The following TLE1 variants were observed in gnomAD, a reference collection of about 807,000 sequenced individuals.
TLE1 encodes the protein TLE family member 1, transcriptional corepressor, also known as transducin-like enhancer protein 1.
In TLE1, 21 loss-of-function variants were observed where a neutral mutation model predicts 89.8. That is an observed-to-expected ratio of 0.23 (90% confidence interval 0.17 to 0.34). The LOEUF is 0.34. TLE1 is among the 10% of genes least tolerant of loss of function. The pLI, the probability that TLE1 is intolerant of heterozygous loss-of-function variation, is 1.00. For missense variants in TLE1, 795 were observed against 1,031.2 expected (o/e 0.77, Z 3.14); for synonymous variants, 447 against 407.6 (o/e 1.10, Z -1.16).
In TLE1 at chr9:81,590,816, C is replaced by T. The variant is rs769518153; in HGVS notation, c.1818G>A (p.Gln606=). ...GNIAVWDLHN[Q]TLVRQFQGHT... ...CCATCTTTGCTCACCTCACTAGTGT[C>T]TGGTTGTGCAGATCCCACACAGCGA... The change falls in exon 16 of 20, where the codon CAG becomes CAA. Residue 606 remains glutamine (Q), a synonymous_variant. Coordinates refer to ENST00000376499, the MANE Select transcript of TLE1 (RefSeq NM_005077.5). 3 of 1,613,994 alleles carry T rather than the reference C, an allele frequency of 1.9e-6. No individual in the cohort carries two copies. In the South Asian group the frequency reaches 3.3e-5, roughly 18 times the overall value.
chr9:81,619,049 T>C (rs1177549214), intron 9 of TLE1, among the ~76,000 whole-genome samples: 1 of 152,220 alleles, frequency 6.6e-6, no homozygotes, highest in African/African-American at 2.4e-5. Flanking sequence ...CACTCATTAC[T>C]AAATAACTTA....
intron 1 of TLE1, among the ~76,000 whole-genome samples, chr9:81,687,729 C>G (rs1397041633): frequency 1.3e-5 from 2 of 152,108 alleles, no homozygotes; most frequent in African/African-American, 2.4e-5. Context: ...CAGGGAAGAC[C>G]AGGCCAGATT....
chr9:81,625,144 C>A (rs1825749527), intron 8 of TLE1, among the ~76,000 whole-genome samples: 1 of 152,110 alleles, frequency 6.6e-6, no homozygotes, highest in Non-Finnish European at 1.5e-5. Flanking sequence ...AACACAGAAA[C>A]CATATACTCC....
intron 4 of TLE1, among the ~76,000 whole-genome samples, chr9:81,673,269 A>AC (rs1832460050): frequency 1.4e-5 from 1 of 69,140 alleles, no homozygotes; most frequent in Non-Finnish European, 2.8e-5. Flanking sequence ...GCGAGACTTC[A>AC]TTTAAAAAAA....
intron 8 of TLE1, among the ~76,000 whole-genome samples, chr9:81,629,678 C>CA (rs1178978369): frequency 6.6e-6 from 1 of 152,220 alleles, no homozygotes; most frequent in African/African-American, 2.4e-5. Context: ...TAGCCTACTA[C>CA]ACACCTAGGC....
At chr9:81,671,972 T>A (rs1284456605) in intron 4 of TLE1, among the ~76,000 whole-genome samples, 1 of 152,118 alleles carries the variant, frequency 6.6e-6, no homozygotes, top group Admixed American at 6.6e-5. Context: ...CCAGCCCACT[T>A]ACAAATGGAA....
intron 14 of TLE1, among the ~76,000 whole-genome samples, chr9:81,606,981 T>A (rs920624912): frequency 6.6e-6 from 1 of 151,030 alleles, no homozygotes; most frequent in African/African-American, 2.4e-5. Context: ...CCCAGCACTT[T>A]GGGAGGCCAT....
chr9:81,665,124 A>G (rs1277195155), intron 4 of TLE1, among the ~76,000 whole-genome samples: 2 of 152,202 alleles, frequency 1.3e-5, no homozygotes, highest in East Asian at 1.9e-4. Context: ...CTGCAGCAAC[A>G]TGAGAGCTGC....
chr9:81,615,326 C>T (rs71498445), intron 11 of TLE1, among the ~76,000 whole-genome samples: 1 of 147,266 alleles, frequency 6.8e-6, no homozygotes, highest in Non-Finnish European at 1.5e-5. Context: ...GAGACTCCGT[C>T]TCAGAAAAAA....
At chr9:81,597,899 C>A (rs1392821253) in intron 14 of TLE1, among the ~76,000 whole-genome samples, 2 of 152,088 alleles carry the variant, frequency 1.3e-5, no homozygotes, top group African/African-American at 4.8e-5. Flanking sequence ...GTTGTTTTTT[C>A]CTAGCAGACC....
intron 4 of TLE1, among the ~76,000 whole-genome samples, chr9:81,673,905 C>A (rs1832570614): frequency 6.6e-6 from 1 of 152,152 alleles, no homozygotes; most frequent in African/African-American, 2.4e-5. Context: ...CTGCATGGGG[C>A]CTGGATGCCC....
intron 16 of TLE1, 94 bp from the exon 17 acceptor site, chr9:81,587,922 G>GTGTTTCATCCCGCC (rs143574563): frequency 1.0e-6 from 1 of 974,638 alleles, no homozygotes. Flanking sequence ...GTGTGTGTGT[G>GTGTTTCATCCCGCC]TGTGTGTGTG....
intron 6 of TLE1, among the ~76,000 whole-genome samples, chr9:81,635,054 T>G (rs1827197266): frequency 6.6e-6 from 1 of 152,042 alleles, no homozygotes; most frequent in African/African-American, 2.4e-5. Context: ...CTGACTAAAT[T>G]GCTGAAACTC....
chr9:81,660,477 G>A (rs570590073), intron 4 of TLE1, among the ~76,000 whole-genome samples: 57 of 151,876 alleles, frequency 3.8e-4, no homozygotes, highest in Middle Eastern at 6.8e-3. Context: ...GCAGTGGCGC[G>A]ATCTCGGCTC....
At chr9:81,610,168 A>ACCT in intron 14 of TLE1, 52 bp downstream of exon 14, 1 of 1,506,588 alleles carries the variant, frequency 6.6e-7, no homozygotes, top group Non-Finnish European at 9.2e-7. Flanking sequence ...TGCTAATACC[A>ACCT]ATGACTGAGT....
chr9:81,593,369 A>G, intron 14 of TLE1, 95 bp from the exon 15 acceptor site: 2 of 1,412,064 alleles, frequency 1.4e-6, no homozygotes. Context: ...AAAAAGATGA[A>G]AAAAAGGAAA....
chr9:81,684,484 T>C (rs1244086112), intron 4 of TLE1, among the ~76,000 whole-genome samples: 1 of 152,210 alleles, frequency 6.6e-6, no homozygotes. Flanking sequence ...AAATCTATGA[T>C]GAATTAAAAA....
chr9:81,605,378 G>GT (rs1831504084), intron 14 of TLE1, among the ~76,000 whole-genome samples: 3 of 151,916 alleles, frequency 2.0e-5, no homozygotes, highest in South Asian at 2.1e-4. Flanking sequence ...CTTGGATTTG[G>GT]TATCTTTTCC....
chr9:81,609,648 T>G (rs1425350064), intron 14 of TLE1, among the ~76,000 whole-genome samples: 1 of 152,190 alleles, frequency 6.6e-6, no homozygotes, highest in African/African-American at 2.4e-5. Context: ...GAAGCCACTT[T>G]GCTTTTTATA....
Sources: allele counts gnomAD v4.1 joint callset (sites outside exome capture counted in the v4.1 genomes callset), GRCh38; gene constraint gnomAD v4.1.1; transcripts MANE v1.5; gene names NCBI Gene and HGNC (gene_info 2026-07-23, HGNC 2026-07-21).